The following GRM5 variants were observed in gnomAD, a reference collection of about 807,000 sequenced individuals.
GRM5 encodes metabotropic glutamate receptor 5.
In GRM5, 19 loss-of-function variants were observed where a neutral mutation model predicts 83.1. The observed-to-expected ratio is 0.23, with a 90% CI of 0.16 to 0.34. GRM5 has a LOEUF of 0.34. Among genes scored for constraint, GRM5 ranks in the 10% least tolerant of loss-of-function variants. The probability of loss-of-function intolerance (pLI) is 1.00; values close to 1 mark genes in which losing one functional copy is unlikely to be tolerated. For synonymous variants in GRM5, 675 were observed against 633.6 expected, an observed-to-expected ratio of 1.07 and a Z score of -0.98; for missense variants, 1,160 against 1,588.3, an observed-to-expected ratio of 0.73 and a Z score of 4.58.
At chr11:88,953,629 G>T (rs189542479) in intron 2 of GRM5, among the ~76,000 whole-genome samples, 3,120 of 152,170 alleles carry the variant, frequency 0.021, 97 homozygotes, top group African/African-American at 0.07. Context: ...TCCATGGGGC[G>T]CTGTGGCCAG....
intron 2 of GRM5, among the ~76,000 whole-genome samples, chr11:88,914,274 A>G (rs1353267564): frequency 6.6e-6 from 1 of 152,134 alleles, no homozygotes; most frequent in Non-Finnish European, 1.5e-5. Context: ...TGCTTCCAGA[A>G]TATAATTAAT....
At chr11:88,526,551 C>T (rs1432081356) in intron 8 of GRM5, among the ~76,000 whole-genome samples, 3 of 152,148 alleles carry the variant, frequency 2.0e-5, no homozygotes, top group South Asian at 4.1e-4. Context: ...CTTCATCCAC[C>T]TTCCTGGTAT....
chr11:88,514,708 A>G lies in GRM5; in HGVS notation c.2727-5204T>C, dbSNP rs555381010. Among the ~76,000 whole-genome samples, 3 of 152,340 alleles carry G rather than the reference A, an allele frequency of 2.0e-5. No homozygotes were observed. In the South Asian group the frequency reaches 6.2e-4, roughly 32 times the overall value. ...ACTTTGGGTTTTTCTTATCAGGATT[A>G]GAAAAATTCAGAGAAAAAGTTGTTC... On this transcript the variant is annotated intron_variant, in intron 9 of 9. Transcript: ENST00000305447.
chr11:88,773,716 C>T (rs911056304), intron 3 of GRM5, among the ~76,000 whole-genome samples: 3 of 152,176 alleles, frequency 2.0e-5, no homozygotes, highest in Non-Finnish European at 2.9e-5. Context: ...GGAATCCTTT[C>T]CCCATTTCTT....
intron 2 of GRM5, among the ~76,000 whole-genome samples, chr11:89,000,237 A>G (rs540598628): frequency 9.2e-5 from 14 of 152,316 alleles, no homozygotes; most frequent in African/African-American, 3.4e-4. Context: ...TTAAAGTATA[A>G]CAATAATTAA....
chr11:88,599,836 A>T (rs1278072982), intron 5 of GRM5, among the ~76,000 whole-genome samples: 1 of 151,764 alleles, frequency 6.6e-6, no homozygotes, highest in Non-Finnish European at 1.5e-5. Flanking sequence ...ACATGGTGAA[A>T]CCCCGTCTCT....
chr11:88,770,702 A>T (rs1056679368), intron 3 of GRM5, among the ~76,000 whole-genome samples: 2 of 152,154 alleles, frequency 1.3e-5, no homozygotes, highest in Admixed American at 1.3e-4. Context: ...AAGGAGTAAC[A>T]GGAATATGCT....
At chr11:88,646,407 T>C (rs1421602761) in intron 4 of GRM5, among the ~76,000 whole-genome samples, 1 of 152,086 alleles carries the variant, frequency 6.6e-6, no homozygotes, top group East Asian at 1.9e-4. Context: ...GTTAATAGTA[T>C]ATATTTCTGG....
chr11:88,676,442 G>A (rs1940331656), intron 3 of GRM5, among the ~76,000 whole-genome samples: 1 of 151,832 alleles, frequency 6.6e-6, no homozygotes, highest in African/African-American at 2.4e-5. Context: ...AAGTTCCTTG[G>A]GGGCAGGAAT....
intron 3 of GRM5, among the ~76,000 whole-genome samples, chr11:88,686,589 G>T (rs1448364077): frequency 6.6e-6 from 1 of 152,106 alleles, no homozygotes; most frequent in Non-Finnish European, 1.5e-5. Context: ...ATCTTGAATT[G>T]TACTCCCATA....
intron 3 of GRM5, among the ~76,000 whole-genome samples, chr11:88,761,264 C>T (rs947111394): frequency 6.6e-6 from 1 of 151,976 alleles, no homozygotes; most frequent in Non-Finnish European, 1.5e-5. Context: ...TCAAACTATC[C>T]CTGTGTACAG....
In GRM5 at chr11:88,977,088, G is replaced by T. The variant is rs1438455684; in HGVS notation, c.661+70124C>A. ...TTATTCTCAAATAATAGATTCATTT[G>T]AAGAGATTAAAACAAGTCTTTGTCA... On this transcript the variant is annotated intron_variant, in intron 2 of 9. Transcript: ENST00000305447. 2.6e-5 allele frequency among the ~76,000 whole-genome samples: 4 copies of T among 151,346 alleles called. No individual in the cohort carries two copies. The East Asian group carries it at 7.7e-4, about 29-fold the overall frequency.
chr11:88,518,326 T>G (rs1033022198), intron 9 of GRM5, among the ~76,000 whole-genome samples: 18 of 151,970 alleles, frequency 1.2e-4, no homozygotes, highest in African/African-American at 4.1e-4. Context: ...CTTTTTGGTT[T>G]TTGCTGGTCT....
At chr11:88,939,199 C>G (rs1471121740) in intron 2 of GRM5, among the ~76,000 whole-genome samples, 4 of 151,724 alleles carry the variant, frequency 2.6e-5, no homozygotes, top group African/African-American at 9.7e-5. Flanking sequence ...AAATTTTATT[C>G]TCTAAATTTC....
At chr11:88,928,492 GTA>G (rs10610996) in intron 2 of GRM5, among the ~76,000 whole-genome samples, 79,535 of 122,254 alleles carry the variant, frequency 0.65, 21,981 homozygotes, top group South Asian at 0.74. Context: ...ATGTATATAT[GTA>G]TATATATATA....
At chr11:89,052,826 G>A (rs1314420424) in intron 1 of GRM5, among the ~76,000 whole-genome samples, 9 of 152,120 alleles carry the variant, frequency 5.9e-5, no homozygotes, top group Non-Finnish European at 1.2e-4. Flanking sequence ...TGCAATTTTG[G>A]AGGATTTCAG....
chr11:88,510,385 G>A (rs978588138), intron 9 of GRM5, among the ~76,000 whole-genome samples: 1 of 152,210 alleles, frequency 6.6e-6, no homozygotes, highest in Non-Finnish European at 1.5e-5. Context: ...AGATGTGATT[G>A]GTGCCTCAGC....
intron 4 of GRM5, among the ~76,000 whole-genome samples, chr11:88,625,616 A>G (rs957427527): frequency 3.3e-5 from 5 of 152,066 alleles, no homozygotes; most frequent in African/African-American, 1.2e-4. Flanking sequence ...CCTAGAGGGA[A>G]TGTTTAATTG....
At chr11:88,874,340 G>A (rs1344863350) in intron 2 of GRM5, among the ~76,000 whole-genome samples, 1 of 151,780 alleles carries the variant, frequency 6.6e-6, no homozygotes, top group African/African-American at 2.4e-5. Flanking sequence ...ATTAGGGAAG[G>A]GACAGTCTCC....
Sources: gnomAD v4.1 joint callset for allele counts (sites outside exome capture counted in the v4.1 genomes callset) on GRCh38, gnomAD v4.1.1 for gene constraint, MANE v1.5 for transcripts, NCBI Gene and HGNC (gene_info 2026-07-23, HGNC 2026-07-21) for gene names.